The following OPCML variants were observed in gnomAD, a reference collection of about 807,000 sequenced individuals.
OPCML encodes opioid-binding protein/cell adhesion molecule.
In OPCML, 13 loss-of-function variants were observed where a neutral mutation model predicts 37.8. The ratio of observed to expected loss-of-function variants is 0.34; its 90% CI spans 0.22 to 0.55. OPCML has a LOEUF of 0.55. Among genes scored for constraint, OPCML ranks in the 20% least tolerant of loss-of-function variants. OPCML has a pLI of 0.91. For synonymous variants in OPCML, 176 were observed against 168.8 expected, an observed-to-expected ratio of 1.04 and a Z score of -0.33; for missense variants, 341 against 435.6, an observed-to-expected ratio of 0.78 and a Z score of 1.93.
chr11:133,484,647 TG>T (rs1264896323), intron 1 of OPCML, among the ~76,000 whole-genome samples: 3 of 152,134 alleles, frequency 2.0e-5, no homozygotes, highest in African/African-American at 7.2e-5. Flanking sequence ...AAAATCTAAC[TG>T]GAAAATATTT....
chr11:132,750,915 C>A (rs898377629), intron 2 of OPCML, among the ~76,000 whole-genome samples: 1 of 151,852 alleles, frequency 6.6e-6, no homozygotes, highest in African/African-American at 2.4e-5. Flanking sequence ...GGTATTAACA[C>A]GGTATATTTT....
At position 133,205,718 on chromosome 11, in the gene OPCML, C is replaced by G. The variant is rs1234638749; in HGVS notation, c.62-262708G>C. On this transcript the variant is annotated intron_variant, in intron 1 of 7. Coordinates refer to ENST00000524381, the MANE Select transcript of OPCML (RefSeq NM_001012393.5). This position sits in a 1 kb window ranked among gnomAD's most constrained non-coding sequence, Gnocchi z 4.8. Reference sequence around the variant, plus strand: ...GGAAAAACATTTAGTATTTTTTTTCCTTGTCTTTAAGAATTATCCTGGATG... The same window carrying G: ...GGAAAAACATTTAGTATTTTTTTTCGTTGTCTTTAAGAATTATCCTGGATG... Among the ~76,000 whole-genome samples, 1 of 151,960 alleles carries G rather than the reference C, an allele frequency of 6.6e-6. No homozygotes were observed. Among genetic ancestry groups the G allele is most frequent in the African/African-American group, 2.4e-5 (1 of 41,356 alleles).
At chr11:132,905,737 C>T (rs1378486790) in intron 2 of OPCML, among the ~76,000 whole-genome samples, 2 of 152,044 alleles carry the variant, frequency 1.3e-5, no homozygotes, top group African/African-American at 2.4e-5. Context: ...TCAAATTGCC[C>T]TTCCATAAAT....
At chr11:133,338,112 T>C (rs1163824436) in intron 1 of OPCML, among the ~76,000 whole-genome samples, 1 of 152,156 alleles carries the variant, frequency 6.6e-6, no homozygotes, top group Non-Finnish European at 1.5e-5. Context: ...CTCCTGTTTC[T>C]ACAGAATCAA....
At chr11:133,064,550 C>G (rs1402674085) in intron 1 of OPCML, 2 of 152,352 alleles carry the variant, frequency 1.3e-5, no homozygotes, top group Non-Finnish European at 2.9e-5. Flanking sequence ...ACCTTGTGTG[C>G]TTGCCCTTTC....
At chr11:132,785,858 G>T (rs1270791215) in intron 2 of OPCML, among the ~76,000 whole-genome samples, 2 of 152,140 alleles carry the variant, frequency 1.3e-5, no homozygotes, top group African/African-American at 4.8e-5. Context: ...AGATATCCAG[G>T]TGACCATTTA....
intron 4 of OPCML, among the ~76,000 whole-genome samples, chr11:132,497,887 A>AT (rs569887357): frequency 5.4e-4 from 82 of 152,256 alleles, no homozygotes; most frequent in African/African-American, 1.9e-3. Context: ...ACTTTTTTAA[A>AT]TTTTTTTAAA....
At chr11:132,824,366 A>G (rs995688213) in intron 2 of OPCML, among the ~76,000 whole-genome samples, 6 of 152,018 alleles carry the variant, frequency 3.9e-5, no homozygotes, top group Non-Finnish European at 5.9e-5. Flanking sequence ...GTGCACCTAG[A>G]ATCTCTCTGC....
At chr11:133,295,845 G>GT (rs766386262) in intron 1 of OPCML, among the ~76,000 whole-genome samples, 3 of 152,168 alleles carry the variant, frequency 2.0e-5, no homozygotes, top group Non-Finnish European at 2.9e-5. Context: ...GAAAAAGCCA[G>GT]TTTTTTGTCC....
chr11:132,775,938 T>C (rs1946795408), intron 2 of OPCML, among the ~76,000 whole-genome samples: 1 of 152,186 alleles, frequency 6.6e-6, no homozygotes, highest in Non-Finnish European at 1.5e-5. Context: ...CAGTGCTTTC[T>C]GTTTCTTTTT....
In OPCML at chr11:133,173,764, G is replaced by T. The variant is rs905214010; in HGVS notation, c.62-230754C>A. Among the ~76,000 whole-genome samples, 1 of 152,196 alleles carries T rather than the reference G, an allele frequency of 6.6e-6. No homozygotes were observed. Among genetic ancestry groups the T allele is most frequent in the Non-Finnish European group, 1.5e-5 (1 of 68,036 alleles). On this transcript the variant is annotated intron_variant, in intron 1 of 7. Coordinates refer to ENST00000524381, the MANE Select transcript of OPCML (RefSeq NM_001012393.5). The surrounding 1 kb of genome is among the most constrained non-coding windows in gnomAD (Gnocchi z 7.8). ...AGAATGCATAAGTAAAGAAAAAATA[G>T]AATTACGTTTTTCTCTTTTTCCCCA...
chr11:132,816,379 T>A (rs1939638944), intron 2 of OPCML, among the ~76,000 whole-genome samples: 1 of 152,248 alleles, frequency 6.6e-6, no homozygotes, highest in Non-Finnish European at 1.5e-5. Context: ...TGTAAGTGAA[T>A]GTGACTGTGT....
At chr11:132,632,241 ATTTTTTTTTTTT>A (rs67176157) in intron 3 of OPCML, among the ~76,000 whole-genome samples, 1 of 111,584 alleles carries the variant, frequency 9.0e-6, no homozygotes, top group Non-Finnish European at 1.7e-5. Context: ...ATTCAAACAC[ATTTTTTTTTTTT>A]TTTTTTTTTT....
chr11:133,420,870 C>T (rs1020597572), intron 1 of OPCML: 2 of 985,228 alleles, frequency 2.0e-6, no homozygotes, highest in African/African-American at 3.5e-5. Flanking sequence ...TTACAAGTTC[C>T]ATTTATATGA....
chr11:132,805,308 A>C (rs1328996126), intron 2 of OPCML, among the ~76,000 whole-genome samples: 2 of 152,236 alleles, frequency 1.3e-5, no homozygotes, highest in African/African-American at 2.4e-5. Context: ...GAAATACAGA[A>C]TGCTATTAAA....
intron 1 of OPCML, among the ~76,000 whole-genome samples, chr11:132,953,913 G>A (rs1945918571): frequency 6.6e-6 from 1 of 152,134 alleles, no homozygotes; most frequent in African/African-American, 2.4e-5. Context: ...TGGCATATAG[G>A]TGGTACTCCA....
intron 4 of OPCML, among the ~76,000 whole-genome samples, chr11:132,448,089 A>G (rs1253610873): frequency 6.6e-6 from 1 of 152,222 alleles, no homozygotes; most frequent in Non-Finnish European, 1.5e-5. Context: ...GATGGCCCAG[A>G]GCACTGAAAG....
At chr11:132,612,233 A>G (rs902450855) in intron 3 of OPCML, among the ~76,000 whole-genome samples, 3 of 152,100 alleles carry the variant, frequency 2.0e-5, no homozygotes, top group Non-Finnish European at 4.4e-5. Context: ...ACATCCAAAA[A>G]CCTTTTTCCC....
intron 1 of OPCML, among the ~76,000 whole-genome samples, chr11:133,315,880 G>A (rs1943195257): frequency 6.6e-6 from 1 of 152,126 alleles, no homozygotes; most frequent in African/African-American, 2.4e-5. Flanking sequence ...CATCATCAGT[G>A]AACTAATTCG....
Sources: gnomAD v4.1 joint callset for allele counts (sites outside exome capture counted in the v4.1 genomes callset) on GRCh38, gnomAD v4.1.1 for gene constraint, Gnocchi (gnomAD v3.1) non-coding constraint, MANE v1.5 for transcripts, NCBI Gene and HGNC (gene_info 2026-07-23, HGNC 2026-07-21) for gene names.